The following ZNF146 variants were observed in gnomAD, a reference collection of about 807,000 sequenced individuals.
ZNF146 encodes zinc finger protein OZF.
ZNF146 carries 9 observed loss-of-function variants against 22.2 expected under a neutral mutation model. The ratio of observed to expected loss-of-function variants is 0.41; its 90% CI spans 0.24 to 0.71. The LOEUF (loss-of-function observed/expected upper bound fraction) is 0.71. Ranked by LOEUF, ZNF146 falls within the 30% of genes least tolerant of loss-of-function variation. The probability of loss-of-function intolerance (pLI) is 0.34; values close to 1 mark genes in which losing one functional copy is unlikely to be tolerated. For synonymous variants in ZNF146, 108 were observed against 119.2 expected (o/e 0.91, Z 0.61); for missense variants, 194 against 344.8 (o/e 0.56, Z 3.46).
At chr19:36,233,790 C>T (rs1272804949) in intron 3 of ZNF146, among the ~76,000 whole-genome samples, 3 of 152,224 alleles carry the variant, frequency 2.0e-5, no homozygotes, top group African/African-American at 7.2e-5. Context: ...ATGGAATATA[C>T]AATCCAGCTT....
At chr19:36,234,111 C>T (rs1190042819) in intron 3 of ZNF146, among the ~76,000 whole-genome samples, 1 of 152,154 alleles carries the variant, frequency 6.6e-6, no homozygotes, top group East Asian at 1.9e-4. Flanking sequence ...TGCCTTCAAG[C>T]ATTTGTTTAA....
In ZNF146 at chr19:36,236,761, A is replaced by G. The variant is rs766098782; in HGVS notation, c.321A>G (p.Lys107=). 4 of 1,614,094 alleles carry G rather than the reference A, an allele frequency of 2.5e-6. No homozygotes were observed. Among genetic ancestry groups the G allele is most frequent in the African/African-American group, 1.3e-5 (1 of 74,946 alleles). The change falls in exon 4 of 4, where the codon AAA becomes AAG. Residue 107 remains lysine (K), a synonymous_variant. Coordinates refer to ENST00000443387, the MANE Select transcript of ZNF146 (RefSeq NM_007145.3). The part of the protein sequence containing the change: ...EKPFECKDCG[K]AFIQKSNLIR... The stretch of plus-strand genomic sequence containing the variant: ...CTTTTGAGTGTAAAGATTGCGGGAA[A>G]GCTTTCATTCAGAAGTCAAACCTCA...
chr19:36,222,977 T>C (rs1976917067), intron 2 of ZNF146, among the ~76,000 whole-genome samples: 1 of 151,948 alleles, frequency 6.6e-6, no homozygotes, highest in Non-Finnish European at 1.5e-5. Context: ...ACCAAAGACC[T>C]TTTTATTCAT....
chr19:36,222,714 G>T (rs1456233835), intron 2 of ZNF146, among the ~76,000 whole-genome samples: 1 of 148,410 alleles, frequency 6.7e-6, no homozygotes, highest in Non-Finnish European at 1.5e-5. Context: ...TCTATGGGGT[G>T]TCTTCTCCTT....
chr19:36,217,626 T>C (rs1262388388), intron 1 of ZNF146, among the ~76,000 whole-genome samples: 1 of 152,110 alleles, frequency 6.6e-6, no homozygotes, highest in Non-Finnish European at 1.5e-5. Context: ...AATATGTATT[T>C]ATAATCCCAG....
At chr19:36,216,036 T>A (rs143136980) in intron 1 of ZNF146, among the ~76,000 whole-genome samples, 1 of 152,126 alleles carries the variant, frequency 6.6e-6, no homozygotes, top group Non-Finnish European at 1.5e-5. Context: ...TCTAAGGAAA[T>A]CACCCCGCCC....
intron 3 of ZNF146, among the ~76,000 whole-genome samples, chr19:36,231,840 C>T (rs1353630439): frequency 2.6e-5 from 4 of 151,688 alleles, no homozygotes; most frequent in Non-Finnish European, 5.9e-5. Flanking sequence ...GGCGAGGCGG[C>T]AGATCTCTTG....
At chr19:36,227,284 G>T (rs1568432526) in intron 2 of ZNF146, among the ~76,000 whole-genome samples, 1 of 151,418 alleles carries the variant, frequency 6.6e-6, no homozygotes, top group Admixed American at 6.6e-5. Context: ...AGCTACTCGG[G>T]AGGCTGAGGC....
chr19:36,226,618 C>G (rs1282234548), intron 2 of ZNF146, among the ~76,000 whole-genome samples: 1 of 152,052 alleles, frequency 6.6e-6, no homozygotes, highest in Non-Finnish European at 1.5e-5. Flanking sequence ...GACATGCTTC[C>G]TTTATCTATA....
intron 1 of ZNF146, among the ~76,000 whole-genome samples, chr19:36,216,157 A>G (rs1434928247): frequency 1.3e-5 from 2 of 152,232 alleles, no homozygotes; most frequent in East Asian, 3.8e-4. Context: ...TATCAGTTAG[A>G]ATACATAGTT....
chr19:36,220,277 T>A (rs1443130220), intron 2 of ZNF146, among the ~76,000 whole-genome samples: 4 of 152,154 alleles, frequency 2.6e-5, no homozygotes, highest in African/African-American at 9.6e-5. Context: ...TTTTTAAAAA[T>A]CATGAGTCCA....
At position 36,218,214 on chromosome 19, in the gene ZNF146, G is replaced by A. The variant is rs962886575; in HGVS notation, c.-855+19G>A. ...ACCTCAGGTAGGTACTTAAACCTTG[G>A]GCCTCAGTTGCTCATTTCATAGTAT... On this transcript the variant is annotated intron_variant, in intron 2 of 3. Transcript: ENST00000443387. 7 of 150,926 alleles carry A rather than the reference G, an allele frequency of 4.6e-5. No homozygotes were observed. Among genetic ancestry groups the A allele is most frequent in the Non-Finnish European group, 8.8e-5 (6 of 67,908 alleles). 9.3% of individuals were successfully genotyped at this position (150,926 alleles called of 1,614,324 possible). A position where few individuals can be genotyped will look rare whatever the true frequency, so the allele number is the denominator to read the frequency against.
intron 2 of ZNF146, among the ~76,000 whole-genome samples, chr19:36,219,212 A>T (rs1406768645): frequency 2.0e-5 from 3 of 152,066 alleles, no homozygotes; most frequent in Non-Finnish European, 4.4e-5. Context: ...GGCTGGGTGC[A>T]CTGGTGCGAT....
intron 3 of ZNF146, among the ~76,000 whole-genome samples, chr19:36,233,567 G>C (rs201307605): frequency 6.6e-6 from 1 of 152,062 alleles, no homozygotes; most frequent in Non-Finnish European, 1.5e-5. Flanking sequence ...GGCGTTTCTC[G>C]GAGAGGGGGA....
rs1302030824 is a variant in ZNF146, at chr19:36,236,269, A to G, written c.-172A>G. The G allele has an allele frequency of 5.2e-6, 4 of 775,996 alleles. No individual in the cohort carries two copies. Among genetic ancestry groups the G allele is most frequent in the African/African-American group, 1.8e-5 (1 of 56,968 alleles). The allele number at this position is 775,996 out of a possible 1,614,324, so 48.1% of individuals were successfully genotyped here. ...GAAAGCATTGAATATACTGAGTATG[A>G]TAACATTTCCTCTCAAACCTTATCC... is the stretch of plus-strand genomic sequence containing the variant. On this transcript the variant is annotated 5_prime_UTR_variant, in exon 4 of 4. Coordinates refer to ENST00000443387, the MANE Select transcript of ZNF146 (RefSeq NM_007145.3).
In ZNF146 at chr19:36,227,602, C is replaced by CT. The variant is rs1485365363; in HGVS notation, c.-854-1140dup. Among the ~76,000 whole-genome samples, 4 of 152,092 alleles carry CT rather than the reference C, an allele frequency of 2.6e-5. No homozygotes were observed. In the East Asian group the frequency reaches 7.7e-4, roughly 29 times the overall value. ...ACCTGTATTCCAGGTTGTTGCTTTTCTTTTTTATGACAAGGTCTCACTCTG... is the reference window on the plus strand; with the variant it reads ...ACCTGTATTCCAGGTTGTTGCTTTTCTTTTTTTATGACAAGGTCTCACTCTG... On this transcript the variant is annotated intron_variant, in intron 2 of 3. Coordinates refer to ENST00000443387, the MANE Select transcript of ZNF146 (RefSeq NM_007145.3).
At chr19:36,217,080 T>TG (rs1976643386) in intron 1 of ZNF146, among the ~76,000 whole-genome samples, 3 of 125,118 alleles carry the variant, frequency 2.4e-5, no homozygotes, top group Non-Finnish European at 5.0e-5. Flanking sequence ...TTTTTTTTTT[T>TG]GAGATGGAGT....
intron 2 of ZNF146, among the ~76,000 whole-genome samples, chr19:36,222,024 G>T (rs1262944043): frequency 6.7e-6 from 1 of 150,086 alleles, no homozygotes; most frequent in Non-Finnish European, 1.5e-5. Context: ...CCAACTGCTG[G>T]GCTGAAGTGA....
Position 36,231,395 on chromosome 19 carries a change from A to G in ZNF146, c.-783+2576A>G, listed in dbSNP as rs1347974046. 2.0e-5 allele frequency among the ~76,000 whole-genome samples: 3 copies of G among 151,914 alleles called. No homozygotes were observed. The East Asian group carries it at 5.8e-4, about 29-fold the overall frequency. On this transcript the variant is annotated intron_variant, in intron 3 of 3. Transcript: ENST00000443387. ...CGGCTAATTTTTGTATTTTTTTGGT[A>G]ACCAGTTTTCACCATGTTGGCCAGG...
Sources: allele counts gnomAD v4.1 joint callset (sites outside exome capture counted in the v4.1 genomes callset), GRCh38; gene constraint gnomAD v4.1.1; transcripts MANE v1.5; gene names NCBI Gene and HGNC (gene_info 2026-07-23, HGNC 2026-07-21).